Variants in URB1 observed in about 807,000 individuals in gnomAD.
URB1 encodes the protein URB1 ribosome biogenesis factor.
Under a neutral mutation model 242.3 loss-of-function variants are expected in URB1, and 197 were observed. The ratio of observed to expected loss-of-function variants is 0.81; its 90% confidence interval spans 0.72 to 0.91. URB1 has a LOEUF of 0.91. Ranked by LOEUF, URB1 falls within the 40% of genes least tolerant of loss-of-function variation. The pLI, the probability that URB1 is intolerant of heterozygous loss-of-function variation, is 0.00. For synonymous variants in URB1, 1,153 were observed against 1,201.8 expected (o/e 0.96, Z 0.84); for missense variants, 2,721 against 2,860.5 (o/e 0.95, Z 1.11).
intron 18 of URB1, among the ~76,000 whole-genome samples, chr21:32,353,241 G>A (rs369582907): frequency 3.9e-5 from 6 of 152,194 alleles, no homozygotes; most frequent in African/African-American, 7.2e-5. Flanking sequence ...CCTCTCTTGC[G>A]TGTAGGCTGG....
At position 32,314,463 on chromosome 21, in the gene URB1, G is replaced by A. The variant is rs1229524996; in HGVS notation, c.*455C>T. 6 of 1,236,550 alleles carry A rather than the reference G, an allele frequency of 4.9e-6. No individual in the cohort carries two copies. The Admixed American group carries it at 1.1e-4, about 22-fold the overall frequency. 76.6% of individuals were successfully genotyped at this position (1,236,550 alleles called of 1,614,324 possible). ...GCCTCCCAAAGTGCTGGGATTATAG[G>A]CGTGAGCCACCTCACCTGCTGAAAA... On this transcript the variant is annotated 3_prime_UTR_variant, in exon 39 of 39. Coordinates refer to ENST00000382751, the MANE Select transcript of URB1 (RefSeq NM_014825.3).
intron 5 of URB1, among the ~76,000 whole-genome samples, chr21:32,375,779 C>CA (rs948372549): frequency 6.7e-6 from 1 of 149,800 alleles, no homozygotes. Flanking sequence ...ACCCTGTCTC[C>CA]AAAAAAAAAT....
Position 32,357,627 on chromosome 21 carries a change from A to C in URB1, c.1899T>G (p.Gly633=). ...QEGPDAEIIG[G]ERSVFYLLMK... is the part of the protein sequence containing the mutation. The stretch of plus-strand genomic sequence containing the variant: ...TTAGTAAGTAAAATACTGATCGTTC[A>C]CCTCCAATAATTTCTGCATCTGGGC... Residue 633 remains glycine (G), a synonymous_variant, in exon 15 of 39, where the codon GGT becomes GGG. Transcript: ENST00000382751. 5 of 1,510,396 alleles carry C rather than the reference A, an allele frequency of 3.3e-6. No individual in the cohort carries two copies. Among genetic ancestry groups the C allele is most frequent in the Non-Finnish European group, 4.4e-6 (5 of 1,130,308 alleles). The allele number at this position is 1,510,396 out of a possible 1,614,324, so 93.6% of individuals were successfully genotyped here.
intron 1 of URB1, among the ~76,000 whole-genome samples, chr21:32,389,113 T>G (rs1457936135): frequency 6.6e-6 from 1 of 152,134 alleles, no homozygotes; most frequent in African/African-American, 2.4e-5. Flanking sequence ...TGATCTAGAT[T>G]AGAGGGTTGG....
chr21:32,385,735 C>T, intron 1 of URB1, 51 bp from the exon 2 acceptor site: 1 of 1,542,804 alleles, frequency 6.5e-7, no homozygotes, highest in Non-Finnish European at 8.8e-7. Context: ...TTCTTAGAAA[C>T]AATCACAGCC....
At chr21:32,321,655 C>T in intron 34 of URB1, 146 bp downstream of exon 34, 4 of 1,243,470 alleles carry the variant, frequency 3.2e-6, no homozygotes, top group South Asian at 1.5e-5. Flanking sequence ...GCGCTCTCAA[C>T]ATCTCACTTC....
rs1396471154 is a variant in URB1, at chr21:32,392,977, G to A, written c.-67C>T. 6 of 1,421,484 alleles carry A rather than the reference G, an allele frequency of 4.2e-6. No individual in the cohort carries two copies. Among genetic ancestry groups the A allele is most frequent in the South Asian group, 2.9e-5 (2 of 68,328 alleles). 88.1% of individuals were successfully genotyped at this position (1,421,484 alleles called of 1,614,324 possible). A position where few individuals can be genotyped will look rare whatever the true frequency, so the allele number is the denominator to read the frequency against. On this transcript the variant is annotated 5_prime_UTR_variant, in exon 1 of 39. Transcript: ENST00000382751. ...GGGACCCGGCAGGAGCACTGGCACAGACAGCAGACACGCGCTTCAGGCCCA... is the reference window on the plus strand; with the variant it reads ...GGGACCCGGCAGGAGCACTGGCACAAACAGCAGACACGCGCTTCAGGCCCA...
intron 4 of URB1, among the ~76,000 whole-genome samples, chr21:32,381,475 TAA>T (rs1276776195): frequency 7.4e-6 from 1 of 135,594 alleles, no homozygotes. Flanking sequence ...AAATAGCATT[TAA>T]AAAAAAAAAG....
Position 32,363,186 on chromosome 21 carries a change from G to A in URB1, c.1479C>T (p.Phe493=), listed in dbSNP as rs777764850. ...GVYTAVMMEE[F]VQLFREALSK... ...TCAGGGCTTCTCTGAAGAGCTGCAC[G>A]AATTCTTCCATCATCACAGCTGTGT... The change falls in exon 11 of 39, where the codon TTC becomes TTT. Residue 493 remains phenylalanine (F), a synonymous_variant. Transcript: ENST00000382751. The A allele has an allele frequency of 1.3e-5, 20 of 1,551,878 alleles. No individual in the cohort carries two copies. Among genetic ancestry groups the A allele is most frequent in the African/African-American group, 4.1e-5 (3 of 73,032 alleles).
At position 32,312,336 on chromosome 21, in the gene URB1, G is replaced by A; in HGVS notation, c.*2582C>T. 1 of 1,234,174 alleles carries A rather than the reference G, an allele frequency of 8.1e-7. No individual in the cohort carries two copies. The highest frequency in any genetic ancestry group is 1.6e-5 in the South Asian group (1 of 62,118). The allele number at this position is 1,234,174 out of a possible 1,614,324, so 76.5% of individuals were successfully genotyped here. On this transcript the variant is annotated 3_prime_UTR_variant, in exon 39 of 39. Transcript: ENST00000382751. ...TACTATGCCACTTTACCATTACTGT[G>A]TAATGCGTTATCAGCCCTGAGTTCA...
Position 32,333,430 on chromosome 21 carries a change from CA to C in URB1, c.4858-12del. 1 of 1,544,026 alleles carries C rather than the reference CA, an allele frequency of 6.5e-7. No homozygotes were observed. The highest frequency in any genetic ancestry group is 8.8e-7 in the Non-Finnish European group (1 of 1,141,892). On this transcript the variant is annotated splice_polypyrimidine_tract_variant and intron_variant, in intron 29 of 38. Transcript: ENST00000382751. ...CAGCTCCTGTGTGTCCTGAAAGAGCCAAAATCAACAAAAACGTGTGATTCAA... is the reference window on the plus strand; with the variant it reads ...CAGCTCCTGTGTGTCCTGAAAGAGCCAAATCAACAAAAACGTGTGATTCAA...
At position 32,350,767 on chromosome 21, in the gene URB1, C is replaced by G; in HGVS notation, c.2769G>C (p.Gln923His). The G allele has an allele frequency of 6.4e-7, 1 of 1,551,520 alleles. No homozygotes were observed. The highest frequency in any genetic ancestry group is 8.7e-7 in the Non-Finnish European group (1 of 1,147,010). ...ACACCTGCTTGGCCGCGAGCAGGACCTGCTGCATGGACAGGTGTGGCATGG... is the reference window on the plus strand; with the variant it reads ...ACACCTGCTTGGCCGCGAGCAGGACGTGCTGCATGGACAGGTGTGGCATGG... ...QATMPHLSMQ[Q>H]VLLAAKQVLL... Residue 923 changes from glutamine (Q) to histidine (H), a missense_variant, in exon 20 of 39, where the codon CAG (glutamine) becomes CAC (histidine). By Grantham distance (24) the Gln-to-His change is conservative. Coordinates refer to ENST00000382751, the MANE Select transcript of URB1 (RefSeq NM_014825.3).
intron 10 of URB1, among the ~76,000 whole-genome samples, chr21:32,363,663 G>T (rs1454841315): frequency 6.6e-6 from 1 of 152,030 alleles, no homozygotes; most frequent in Non-Finnish European, 1.5e-5. Context: ...AACCCACTCT[G>T]CCACTATTTT....
intron 32 of URB1, among the ~76,000 whole-genome samples, chr21:32,323,028 C>T (rs2032786443): frequency 6.6e-6 from 1 of 152,192 alleles, no homozygotes; most frequent in Non-Finnish European, 1.5e-5. Context: ...TGGAATGCAG[C>T]AACGCAGAGG....
At position 32,384,389 on chromosome 21, in the gene URB1, C is replaced by T; in HGVS notation, c.358G>A (p.Gly120Arg). Residue 120 changes from glycine (G) to arginine (R), a missense_variant, in exon 3 of 39, where the codon GGA becomes AGA. By Grantham distance (125) the Gly-to-Arg change is moderately radical. Transcript: ENST00000382751. ...ASDLSHFHVV[G>R]TNIVKKLMNN... ...ATCAGCTTTTTCACAATGTTGGTTCCCACAACATGGAAATGTGAAAGATCA... is the reference window on the plus strand; with the variant it reads ...ATCAGCTTTTTCACAATGTTGGTTCTCACAACATGGAAATGTGAAAGATCA... The T allele has an allele frequency of 6.4e-7, 1 of 1,552,202 alleles. No individual in the cohort carries two copies. The highest frequency in any genetic ancestry group is 8.7e-7 in the Non-Finnish European group (1 of 1,147,080).
intron 18 of URB1, among the ~76,000 whole-genome samples, chr21:32,353,272 ACTTCC>A: frequency 6.6e-6 from 1 of 152,140 alleles, no homozygotes; most frequent in Non-Finnish European, 1.5e-5. Context: ...CTGGTTAGTC[ACTTCC>A]AGGCCATAAC....
chr21:32,324,085 G>T (rs889712927), intron 32 of URB1, among the ~76,000 whole-genome samples: 4 of 152,222 alleles, frequency 2.6e-5, no homozygotes, highest in East Asian at 3.8e-4. Context: ...CCGTCTGGCT[G>T]TGTCCACGCT....
chr21:32,380,321 A>G (rs1434494624), intron 4 of URB1, among the ~76,000 whole-genome samples: 1 of 152,218 alleles, frequency 6.6e-6, no homozygotes, highest in Non-Finnish European at 1.5e-5. Flanking sequence ...ATCCCCGTCC[A>G]TGTCACACAG....
rs17855143 is a variant in URB1, at chr21:32,311,867, C to G, written c.*3051G>C. The G allele has an allele frequency of 7.5e-3, 12,106 of 1,614,154 alleles. 464 individuals carry two copies. In the East Asian group the frequency reaches 0.1, roughly 13 times the overall value. The stretch of plus-strand genomic sequence containing the variant: ...CGCTACGACAGGAGAGCTCCTCCAC[C>G]TTGCCCCTCGGGGGTTTCCAGACCC... On this transcript the variant is annotated 3_prime_UTR_variant, in exon 39 of 39. Transcript: ENST00000382751.
Sources: allele counts gnomAD v4.1 joint callset (sites outside exome capture counted in the v4.1 genomes callset), GRCh38; gene constraint gnomAD v4.1.1; transcripts MANE v1.5; gene names NCBI Gene and HGNC (gene_info 2026-07-23, HGNC 2026-07-21).